The following SS18 variants were observed in gnomAD, a reference collection of about 807,000 sequenced individuals.
SS18 encodes the protein SS18 subunit of BAF chromatin remodeling complex, also known as protein SSXT.
SS18 carries 28 observed loss-of-function variants against 72.5 expected under a neutral mutation model. The observed-to-expected ratio is 0.39, with a 90% confidence interval of 0.29 to 0.53. The LOEUF is 0.53. SS18 is among the 20% of genes least tolerant of loss of function. SS18 has a pLI of 0.76. For synonymous variants in SS18, 172 were observed against 164.2 expected (o/e 1.05, Z -0.37); for missense variants, 518 against 535.3 (o/e 0.97, Z 0.32).
chr18:26,084,616 G>A (rs1281937228), intron 2 of SS18, among the ~76,000 whole-genome samples: 1 of 152,118 alleles, frequency 6.6e-6, no homozygotes, highest in Admixed American at 6.5e-5. Flanking sequence ...TGGCTACTGA[G>A]GATGCACTGT....
At chr18:26,041,356 A>T (rs1198372339) in intron 5 of SS18, among the ~76,000 whole-genome samples, 3 of 152,270 alleles carry the variant, frequency 2.0e-5, no homozygotes. Context: ...CCCGGGAGGC[A>T]GAGGTTGCAG....
chr18:26,019,493 T>C (rs1390531870), intron 10 of SS18, among the ~76,000 whole-genome samples: 2 of 152,020 alleles, frequency 1.3e-5, no homozygotes, highest in East Asian at 3.9e-4. Context: ...ATATATATGA[T>C]GGAATAATGA....
At chr18:26,084,495 T>C (rs2054583230) in intron 2 of SS18, among the ~76,000 whole-genome samples, 1 of 152,100 alleles carries the variant, frequency 6.6e-6, no homozygotes, top group Non-Finnish European at 1.5e-5. Flanking sequence ...TTACAAGAAA[T>C]AGCAACTTTA....
chr18:26,025,774 C>T (rs186011172), intron 10 of SS18, among the ~76,000 whole-genome samples: 11 of 151,984 alleles, frequency 7.2e-5, no homozygotes, highest in Non-Finnish European at 1.6e-4. Flanking sequence ...AAGAATAATG[C>T]CAATTTTCTG....
At chr18:26,057,463 A>AT (rs2054041157) in intron 4 of SS18, 126 bp downstream of exon 4, 3 of 1,095,908 alleles carry the variant, frequency 2.7e-6, no homozygotes, top group Non-Finnish European at 4.0e-6. Context: ...ACAAACTCTA[A>AT]GAGAGCTTGT....
At chr18:26,019,395 G>A (rs1357175215) in intron 10 of SS18, among the ~76,000 whole-genome samples, 1 of 152,058 alleles carries the variant, frequency 6.6e-6, no homozygotes, top group Non-Finnish European at 1.5e-5. Flanking sequence ...TTCTAGACTT[G>A]AAATACTTCT....
chr18:26,050,135 T>C (rs2053895618), intron 5 of SS18, among the ~76,000 whole-genome samples: 1 of 151,602 alleles, frequency 6.6e-6, no homozygotes, highest in Non-Finnish European at 1.5e-5. Context: ...CTAGGAAGGC[T>C]GAGGCAGAAG....
intron 10 of SS18, among the ~76,000 whole-genome samples, chr18:26,018,851 GA>G (rs1472439534): frequency 1.3e-5 from 2 of 152,148 alleles, no homozygotes; most frequent in Non-Finnish European, 2.9e-5. Context: ...AGGTATGTGG[GA>G]CATAAAAGGT....
At chr18:26,072,172 A>C (rs1340389008) in intron 3 of SS18, among the ~76,000 whole-genome samples, 1 of 152,176 alleles carries the variant, frequency 6.6e-6, no homozygotes, top group Non-Finnish European at 1.5e-5. Context: ...GAAATGAAGT[A>C]TTTTATGGTC....
intron 3 of SS18, among the ~76,000 whole-genome samples, chr18:26,060,771 CAAAAAAAAAAA>C (rs60999827): frequency 0.086 from 3,399 of 39,510 alleles, 41 homozygotes; most frequent in East Asian, 0.13. Flanking sequence ...CTAAAAATAC[CAAAAAAAAAAA>C]AAAAAAAAAA....
chr18:26,056,845 C>T (rs1227528498), intron 4 of SS18, among the ~76,000 whole-genome samples: 1 of 152,144 alleles, frequency 6.6e-6, no homozygotes, highest in Non-Finnish European at 1.5e-5. Flanking sequence ...GTTGATGCTA[C>T]TGTTACAAAA....
chr18:26,051,967 A>AAC (rs3837898), intron 5 of SS18, among the ~76,000 whole-genome samples: 14,158 of 152,274 alleles, frequency 0.093, 986 homozygotes, highest in African/African-American at 0.17. Context: ...TTACAGTCTT[A>AAC]ACTTCATTAC....
At chr18:26,039,496 T>C in intron 5 of SS18, 40 bp from the exon 6 acceptor site, 1 of 1,530,774 alleles carries the variant, frequency 6.5e-7, no homozygotes, top group Non-Finnish European at 8.9e-7. Flanking sequence ...ATTTTTTGTA[T>C]ATAACTTTAA....
chr18:26,073,584 T>G (rs1401720449), intron 3 of SS18, among the ~76,000 whole-genome samples: 3 of 152,222 alleles, frequency 2.0e-5, no homozygotes, highest in African/African-American at 7.2e-5. Context: ...TGGAACCTCA[T>G]TATGAATCAA....
Position 26,039,895 on chromosome 18 carries a change from A to G in SS18, c.608-439T>C, listed in dbSNP as rs55656311. On this transcript the variant is annotated intron_variant, in intron 5 of 10. Coordinates refer to ENST00000415083, the MANE Select transcript of SS18 (RefSeq NM_001007559.3). ...GTGGTCAAACTAAGGAAAAGAAACC[A>G]AATCTCTAGATTTTTACTTTGTTCT... Among the ~76,000 whole-genome samples the G allele has an allele frequency of 5.4e-3, 818 of 152,282 alleles. 8 individuals are homozygous for G. Among genetic ancestry groups the G allele is most frequent in the African/African-American group, 0.019 (796 of 41,568 alleles).
intron 4 of SS18, among the ~76,000 whole-genome samples, chr18:26,053,375 A>G (rs746775926): frequency 1.3e-5 from 2 of 150,486 alleles, no homozygotes; most frequent in Non-Finnish European, 2.9e-5. Context: ...ATTTAAAAAG[A>G]AGAAACCATA....
chr18:26,065,127 A>G (rs2054189891), intron 3 of SS18, among the ~76,000 whole-genome samples: 1 of 152,290 alleles, frequency 6.6e-6, no homozygotes, highest in African/African-American at 2.4e-5. Context: ...AGATTTATTA[A>G]TAATATTGTA....
At chr18:26,019,670 G>A (rs534425544) in intron 10 of SS18, among the ~76,000 whole-genome samples, 1 of 151,706 alleles carries the variant, frequency 6.6e-6, no homozygotes. Context: ...AATTAGCTGG[G>A]CGTGGTGGCG....
intron 5 of SS18, among the ~76,000 whole-genome samples, chr18:26,046,038 T>C (rs934141599): frequency 1.3e-5 from 2 of 151,336 alleles, no homozygotes; most frequent in Admixed American, 1.3e-4. Flanking sequence ...AATATAAAAA[T>C]GTGCTGGACA....
Sources: gnomAD v4.1 joint callset for allele counts (sites outside exome capture counted in the v4.1 genomes callset) on GRCh38, gnomAD v4.1.1 for gene constraint, MANE v1.5 for transcripts, NCBI Gene and HGNC (gene_info 2026-07-23, HGNC 2026-07-21) for gene names.